Variants in KDM6A observed in about 807,000 individuals in gnomAD.
KDM6A encodes lysine demethylase 6A.
Under a neutral mutation model 117.6 loss-of-function variants are expected in KDM6A, and 11 were observed. That is an observed-to-expected ratio of 0.09 (90% CI 0.06 to 0.15). The LOEUF is 0.15. Ranked by LOEUF, KDM6A falls within the 10% of genes least tolerant of loss-of-function variation. KDM6A has a pLI of 1.00. For missense variants in KDM6A, 799 were observed against 1,077.3 expected (o/e 0.74, Z 3.62); for synonymous variants, 384 against 396.1 (o/e 0.97, Z 0.36).
intron 4 of KDM6A, among the ~76,000 whole-genome samples, chrX:44,996,885 A>G (rs1278402060): frequency 9.0e-6 from 1 of 111,693 alleles, no homozygotes; most frequent in African/African-American, 3.3e-5. Flanking sequence ...TAAATGACAT[A>G]CTTACAAAAG....
At chrX:44,903,866 G>C (rs967328811) in intron 2 of KDM6A, among the ~76,000 whole-genome samples, 1 of 111,487 alleles carries the variant, frequency 9.0e-6, no homozygotes, top group South Asian at 3.7e-4. Context: ...TTTACTTTAT[G>C]TAAAAGATGT....
At chrX:45,076,560 A>T (rs2148096984) in intron 18 of KDM6A, 137 bp from the exon 19 acceptor site, 1 of 466,167 alleles carries the variant, frequency 2.1e-6, no homozygotes, top group Non-Finnish European at 3.7e-6. Flanking sequence ...GTTTTTCCTG[A>T]TGGATCCACA....
chrX:44,969,481 G>A (rs1198627091), intron 3 of KDM6A, among the ~76,000 whole-genome samples: 14 of 91,312 alleles, frequency 1.5e-4, no homozygotes, highest in African/African-American at 5.5e-4. Context: ...CCAGTGGCGC[G>A]ATCTCGGCTC....
chrX:44,922,250 C>CCCAGGCTGGT (rs1231853099), intron 2 of KDM6A, among the ~76,000 whole-genome samples: 1 of 105,008 alleles, frequency 9.5e-6, no homozygotes, highest in Non-Finnish European at 1.9e-5. Flanking sequence ...CGCCGTGTTG[C>CCCAGGCTGGT]CCAGGCTGGT....
chrX:44,967,014 C>T (rs900853737), intron 3 of KDM6A, among the ~76,000 whole-genome samples: 5 of 109,123 alleles, frequency 4.6e-5, no homozygotes, highest in Non-Finnish European at 7.6e-5. Flanking sequence ...GGACTACAGG[C>T]GCCCGCCACC....
At chrX:44,957,441 C>T (rs1369427026) in intron 2 of KDM6A, among the ~76,000 whole-genome samples, 1 of 112,264 alleles carries the variant, frequency 8.9e-6, no homozygotes, top group Admixed American at 9.5e-5. Flanking sequence ...TGTCTGTGTT[C>T]ACAAGCTCAA....
intron 3 of KDM6A, among the ~76,000 whole-genome samples, chrX:44,963,237 G>C (rs1365389892): frequency 5.4e-5 from 6 of 110,561 alleles, no homozygotes; most frequent in Non-Finnish European, 1.1e-4. Flanking sequence ...CAAGGCAGGA[G>C]GATTACTTGA....
At chrX:45,000,727 G>A (rs2041100171) in intron 4 of KDM6A, among the ~76,000 whole-genome samples, 1 of 112,681 alleles carries the variant, frequency 8.9e-6, no homozygotes, top group Non-Finnish European at 1.9e-5. Context: ...TCGGGGGCTG[G>A]GAGATGGAAG....
intron 4 of KDM6A, among the ~76,000 whole-genome samples, chrX:44,987,675 T>G (rs2040312293): frequency 9.0e-6 from 1 of 111,551 alleles, no homozygotes; most frequent in Non-Finnish European, 1.9e-5. Context: ...GAAGCTTAGT[T>G]TGGCTGGATA....
chrX:45,007,144 G>A (rs181648144), intron 4 of KDM6A, among the ~76,000 whole-genome samples: 102 of 111,423 alleles, frequency 9.2e-4, no homozygotes, highest in African/African-American at 3.0e-3. Flanking sequence ...TTGACTTTCC[G>A]GAGAGCCAAA....
At chrX:44,961,078 T>C (rs756817989) in intron 2 of KDM6A, among the ~76,000 whole-genome samples, 2 of 111,915 alleles carry the variant, frequency 1.8e-5, no homozygotes, top group East Asian at 2.8e-4. Flanking sequence ...AAAGCACTTA[T>C]GCCATAACTA....
intron 2 of KDM6A, among the ~76,000 whole-genome samples, chrX:44,886,937 CTTT>C (rs757868291): frequency 4.1e-5 from 4 of 97,045 alleles, no homozygotes; most frequent in Non-Finnish European, 6.2e-5. Context: ...AGATGAATAT[CTTT>C]TTTTTTTTTT....
chrX:44,920,678 C>T (rs1180513287), intron 2 of KDM6A, among the ~76,000 whole-genome samples: 3 of 108,351 alleles, frequency 2.8e-5, no homozygotes, highest in South Asian at 4.0e-4. Context: ...CCTTGTGATC[C>T]GCCCACCTCG....
intron 18 of KDM6A, among the ~76,000 whole-genome samples, chrX:45,072,852 T>TA (rs1032740039): frequency 4.8e-5 from 5 of 105,025 alleles, no homozygotes; most frequent in Non-Finnish European, 9.6e-5. Flanking sequence ...GTATATTATT[T>TA]AAAAAAATAT....
chrX:44,898,941 G>A (rs55798409), intron 2 of KDM6A, among the ~76,000 whole-genome samples: 313 of 104,671 alleles, frequency 3.0e-3, no homozygotes, highest in Non-Finnish European at 4.1e-3. Flanking sequence ...TGGTGGTGGT[G>A]GGGGGGTGTT....
chrX:44,976,362 ATTCTTT>A (rs750288429), intron 4 of KDM6A, among the ~76,000 whole-genome samples: 8 of 111,480 alleles, frequency 7.2e-5, no homozygotes, highest in African/African-American at 2.6e-4. Flanking sequence ...TGAATATTTT[ATTCTTT>A]ATTTCCTGAT....
intron 2 of KDM6A, among the ~76,000 whole-genome samples, chrX:44,922,890 A>G (rs1347568757): frequency 9.4e-6 from 1 of 106,784 alleles, no homozygotes; most frequent in Non-Finnish European, 1.9e-5. Flanking sequence ...GTAGATTTAA[A>G]TTTGCCTGAA....
At chrX:45,031,218 T>C (rs1412386119) in intron 6 of KDM6A, among the ~76,000 whole-genome samples, 14 of 112,005 alleles carry the variant, frequency 1.2e-4, no homozygotes, top group African/African-American at 3.9e-4. Context: ...GATTCTGTTA[T>C]GGAGTTGTCT....
chrX:44,977,371 C>T (rs2039665425), intron 4 of KDM6A, among the ~76,000 whole-genome samples: 1 of 111,096 alleles, frequency 9.0e-6, no homozygotes, highest in Non-Finnish European at 1.9e-5. Flanking sequence ...CCTCCTGCCT[C>T]AGCCTCTCGA....
Sources: allele counts gnomAD v4.1 joint callset (sites outside exome capture counted in the v4.1 genomes callset), GRCh38; gene constraint gnomAD v4.1.1; transcripts MANE v1.5; gene names NCBI Gene and HGNC (gene_info 2026-07-23, HGNC 2026-07-21).